The following MYO18B variants were observed in gnomAD, a reference collection of about 807,000 sequenced individuals.
MYO18B encodes the protein unconventional myosin-XVIIIb.
In MYO18B, 204 loss-of-function variants were observed where a neutral mutation model predicts 273.0. The observed-to-expected ratio is 0.75, with a 90% CI of 0.67 to 0.84. The LOEUF (loss-of-function observed/expected upper bound fraction) is 0.84. Ranked by LOEUF, MYO18B falls within the 40% of genes least tolerant of loss-of-function variation. The probability of loss-of-function intolerance (pLI) is 0.00; values close to 1 mark genes in which losing one functional copy is unlikely to be tolerated. For synonymous variants in MYO18B, 1,330 were observed against 1,305.7 expected (o/e 1.02, Z -0.40); for missense variants, 3,212 against 3,287.6 (o/e 0.98, Z 0.56).
At chr22:25,965,967 A>G (rs1157670401) in intron 39 of MYO18B, among the ~76,000 whole-genome samples, 2 of 152,208 alleles carry the variant, frequency 1.3e-5, no homozygotes, top group Non-Finnish European at 2.9e-5. Flanking sequence ...CTCATCGCTC[A>G]CTGACTGTCT....
chr22:25,880,909 A>G (rs1158836500), intron 25 of MYO18B, among the ~76,000 whole-genome samples: 1 of 152,248 alleles, frequency 6.6e-6, no homozygotes, highest in Non-Finnish European at 1.5e-5. Flanking sequence ...TGGTGGAAAG[A>G]GTAGATATGG....
At chr22:25,905,260 G>T (rs577059692) in intron 31 of MYO18B, among the ~76,000 whole-genome samples, 1 of 152,284 alleles carries the variant, frequency 6.6e-6, no homozygotes, top group African/African-American at 2.4e-5. Flanking sequence ...CATGTGGGTG[G>T]TGGGTGTTGG....
chr22:25,898,270 C>G (rs1274437555), intron 28 of MYO18B, 37 bp from the exon 29 acceptor site: 3 of 1,594,812 alleles, frequency 1.9e-6, no homozygotes, highest in African/African-American at 2.7e-5. Flanking sequence ...CGTTCCATGC[C>G]CACAGAGCCG....
At chr22:25,779,998 G>A (rs1029357069) in intron 8 of MYO18B, 58 bp from the exon 9 acceptor site, 2 of 1,502,906 alleles carry the variant, frequency 1.3e-6, no homozygotes, top group Admixed American at 4.0e-5. Context: ...CCTGTGTGAG[G>A]TGGCAGTGGC....
chr22:25,872,562 T>C (rs1476011740), intron 22 of MYO18B, among the ~76,000 whole-genome samples: 2 of 152,210 alleles, frequency 1.3e-5, no homozygotes, highest in African/African-American at 4.8e-5. Context: ...ATGCATGTAA[T>C]GTTCATGCTA....
chr22:25,805,829 T>C (rs1444044413), intron 12 of MYO18B, among the ~76,000 whole-genome samples: 3 of 152,218 alleles, frequency 2.0e-5, no homozygotes, highest in Non-Finnish European at 2.9e-5. Context: ...CCTCTCCCGC[T>C]GTCCCTACTT....
the MYO18B span, among the ~76,000 whole-genome samples, chr22:26,056,168 A>C: frequency 3.3e-5 from 5 of 152,198 alleles, no homozygotes; most frequent in East Asian, 9.6e-4. Context: ...AGTGTATTCA[A>C]ATTTTTGAAA....
At chr22:25,973,686 A>G (rs2093059541) in intron 39 of MYO18B, among the ~76,000 whole-genome samples, 1 of 152,108 alleles carries the variant, frequency 6.6e-6, no homozygotes, top group Non-Finnish European at 1.5e-5. Context: ...GCTAGTGGCT[A>G]CCATATTGGA....
chr22:26,060,199 A>C, the MYO18B span, among the ~76,000 whole-genome samples: 5 of 152,284 alleles, frequency 3.3e-5, no homozygotes, highest in Non-Finnish European at 5.9e-5. Context: ...GTTTCATCAG[A>C]ACATATAATT....
intron 22 of MYO18B, among the ~76,000 whole-genome samples, chr22:25,872,357 G>A (rs957846388): frequency 3.3e-5 from 5 of 152,308 alleles, no homozygotes; most frequent in Admixed American, 3.3e-4. Flanking sequence ...ATAAGAAAAG[G>A]CAGCTTCATG....
intron 12 of MYO18B, among the ~76,000 whole-genome samples, chr22:25,811,732 C>T (rs1331409837): frequency 1.3e-5 from 2 of 152,158 alleles, no homozygotes; most frequent in Non-Finnish European, 2.9e-5. Context: ...GAATGGACCT[C>T]TGTGTATATG....
chr22:25,859,811 CT>C (rs1428344243), intron 21 of MYO18B, among the ~76,000 whole-genome samples: 1 of 152,090 alleles, frequency 6.6e-6, no homozygotes, highest in African/African-American at 2.4e-5. Context: ...TGTGGCTTGT[CT>C]TTTCATTTTC....
At chr22:25,771,257 G>A (rs2086710590) in intron 6 of MYO18B, among the ~76,000 whole-genome samples, 2 of 152,176 alleles carry the variant, frequency 1.3e-5, no homozygotes, top group East Asian at 1.9e-4. Flanking sequence ...TTGGCCCTGG[G>A]AGTTCTTCTG....
chr22:25,964,913 T>A (rs912207866), intron 39 of MYO18B: 1 of 152,180 alleles, frequency 6.6e-6, no homozygotes, highest in Non-Finnish European at 1.5e-5. Context: ...CTCCCTACCC[T>A]TGTAGGAAAA....
At chr22:25,924,959 C>A (rs1399527352) in intron 34 of MYO18B, among the ~76,000 whole-genome samples, 1 of 152,088 alleles carries the variant, frequency 6.6e-6, no homozygotes, top group Non-Finnish European at 1.5e-5. Flanking sequence ...CTTGCCATAA[C>A]CCTAGGAGGT....
intron 39 of MYO18B, among the ~76,000 whole-genome samples, chr22:25,963,774 T>C (rs949215232): frequency 6.6e-6 from 1 of 151,834 alleles, no homozygotes; most frequent in Non-Finnish European, 1.5e-5. Context: ...CCTGTTTTAT[T>C]GGGTAGCTAT....
chr22:26,054,026 G>C, the MYO18B span, among the ~76,000 whole-genome samples: 2 of 152,098 alleles, frequency 1.3e-5, no homozygotes, highest in South Asian at 4.1e-4. Context: ...GGGTGAACTC[G>C]GGCCAACAGG....
At chr22:26,049,887 TACA>T in the MYO18B span, among the ~76,000 whole-genome samples, 1 of 152,208 alleles carries the variant, frequency 6.6e-6, no homozygotes, top group Non-Finnish European at 1.5e-5. Flanking sequence ...GTGGCTGGTA[TACA>T]ACAAGTACAA....
chr22:25,996,310 A>G (rs1483283544), intron 40 of MYO18B, among the ~76,000 whole-genome samples: 1 of 152,210 alleles, frequency 6.6e-6, no homozygotes, highest in African/African-American at 2.4e-5. Context: ...CATTCATTTG[A>G]TAAAGTTTTA....
Sources: allele counts gnomAD v4.1 joint callset (sites outside exome capture counted in the v4.1 genomes callset), GRCh38; gene constraint gnomAD v4.1.1; transcripts MANE v1.5; gene names NCBI Gene and HGNC (gene_info 2026-07-23, HGNC 2026-07-21).